ADCY8: variants seen among roughly 807,000 people sequenced by gnomAD.
The protein encoded by ADCY8 is adenylate cyclase type 8.
Under a neutral mutation model 119.7 loss-of-function variants are expected in ADCY8, and 51 were observed. The ratio of observed to expected loss-of-function variants is 0.43; its 90% CI spans 0.34 to 0.54. The LOEUF (loss-of-function observed/expected upper bound fraction) is 0.54. Ranked by LOEUF, ADCY8 falls within the 20% of genes least tolerant of loss-of-function variation. ADCY8 has a pLI of 0.03. For missense variants in ADCY8, 1,383 were observed against 1,598.8 expected, an observed-to-expected ratio of 0.87 and a Z score of 2.30; for synonymous variants, 665 against 651.0, an observed-to-expected ratio of 1.02 and a Z score of -0.33.
At chr8:130,950,146 T>A (rs757457834) in intron 3 of ADCY8, among the ~76,000 whole-genome samples, 18 of 152,212 alleles carry the variant, frequency 1.2e-4, no homozygotes, top group Non-Finnish European at 2.2e-4. Flanking sequence ...AATAGGTTTG[T>A]CACTTTTGAA....
At chr8:130,859,915 C>T (rs76259229) in intron 9 of ADCY8, among the ~76,000 whole-genome samples, 3,279 of 152,138 alleles carry the variant, frequency 0.022, 70 homozygotes, top group South Asian at 0.078. Context: ...GCCTTTCAGA[C>T]GGTTTCTTTC....
chr8:130,886,105 C>T (rs1458481238), intron 7 of ADCY8, among the ~76,000 whole-genome samples: 1 of 151,972 alleles, frequency 6.6e-6, no homozygotes, highest in Non-Finnish European at 1.5e-5. Context: ...GTTATTGAAC[C>T]CTTCATTTTA....
rs1262227628 is a variant in ADCY8 at position 131,040,343 on chromosome 8, C to A, written c.-10G>T. On this transcript the variant is annotated 5_prime_UTR_variant, in exon 1 of 18. Transcript: ENST00000286355. The stretch of plus-strand genomic sequence containing the variant: ...CATCGGAGAGCTCCATGGCTCTGGG[C>A]CGCAGGGAAGGAGGCCCAGAACCTT... The A allele has an allele frequency of 6.7e-6, 10 of 1,482,232 alleles. No homozygotes were observed. The highest frequency in any genetic ancestry group is 1.4e-5 in the South Asian group (1 of 72,158). The allele number at this position is 1,482,232 out of a possible 1,614,324, so 91.8% of individuals were successfully genotyped here.
At chr8:130,899,533 G>T (rs1268616879) in intron 7 of ADCY8, among the ~76,000 whole-genome samples, 1 of 152,108 alleles carries the variant, frequency 6.6e-6, no homozygotes. Flanking sequence ...TGGAACCCGG[G>T]AGGCGGAGGT....
Position 130,911,171 on chromosome 8 carries a change from A to G in ADCY8, c.1482-1305T>C, listed in dbSNP as rs1459337472. On this transcript the variant is annotated intron_variant, in intron 5 of 17. Coordinates refer to ENST00000286355, the MANE Select transcript of ADCY8 (RefSeq NM_001115.3). ...AGATGATGACTTAAGAATGAGCAAG[A>G]AAGTAACTGATTTTTAAAGAAATTG... Among the ~76,000 whole-genome samples the G allele has an allele frequency of 7.9e-5, 12 of 152,356 alleles. No individual in the cohort carries two copies. In the South Asian group the frequency reaches 2.5e-3, roughly 32 times the overall value.
At chr8:130,879,325 C>A (rs928511687) in intron 8 of ADCY8, among the ~76,000 whole-genome samples, 1 of 152,074 alleles carries the variant, frequency 6.6e-6, no homozygotes, top group Non-Finnish European at 1.5e-5. Flanking sequence ...AAAAGATTGG[C>A]AATGAAGACA....
intron 9 of ADCY8, among the ~76,000 whole-genome samples, chr8:130,854,219 T>C (rs1262416230): frequency 6.6e-6 from 1 of 152,240 alleles, no homozygotes; most frequent in African/African-American, 2.4e-5. Context: ...ATCCAGGGGT[T>C]CTGAATTTGC....
chr8:130,951,855 TTG>T lies in ADCY8; in HGVS notation c.1241+11_1241+12del. 1.9e-6 allele frequency: 3 copies of T among 1,613,720 alleles called. No homozygotes were observed. The highest frequency in any genetic ancestry group is 2.5e-6 in the Non-Finnish European group (3 of 1,179,788). On this transcript the variant is annotated intron_variant, in intron 3 of 17. Transcript: ENST00000286355. The stretch of plus-strand genomic sequence containing the variant: ...TCATGCAAGAGCCGGGGCAAGGGTG[TTG>T]TGTTTCTCACCTGACGTTCTCATAG...
rs199902296 is a variant in ADCY8 at position 131,039,455 on chromosome 8, G to T, written c.879C>A (p.Ile293=). Residue 293 remains isoleucine, a synonymous_variant, in exon 1 of 18, where the codon ATC becomes ATA. Transcript: ENST00000286355. ...GCAGCGAGGTGCCCAGGCCGGCCAG[G>T]ATGGCCCAGGTGAGCGGCAGCGGCA... is the stretch of plus-strand genomic sequence containing the variant. ...SMLPLPLTWA[I]LAGLGTSLLQ... 1.9e-4 allele frequency: 304 copies of T among 1,614,078 alleles called. No homozygotes were observed. Among genetic ancestry groups the T allele is most frequent in the Middle Eastern group, 1.2e-3 (7 of 6,084 alleles).
chr8:130,978,655 A>G (rs1286085825), intron 2 of ADCY8, among the ~76,000 whole-genome samples: 3 of 152,130 alleles, frequency 2.0e-5, no homozygotes, highest in Non-Finnish European at 2.9e-5. Context: ...GACATATATA[A>G]CTCTAAGACT....
chr8:130,860,672 G>A (rs757012373), intron 9 of ADCY8, among the ~76,000 whole-genome samples: 7 of 152,078 alleles, frequency 4.6e-5, no homozygotes, highest in South Asian at 4.2e-4. Flanking sequence ...TTTGCAGAAC[G>A]TGCAGGTTTG....
intron 2 of ADCY8, among the ~76,000 whole-genome samples, chr8:130,977,352 A>G (rs1476586628): frequency 6.6e-6 from 1 of 152,244 alleles, no homozygotes; most frequent in African/African-American, 2.4e-5. Flanking sequence ...CAATACTTGT[A>G]ATACTCATTC....
chr8:130,823,299 C>A (rs1173996452), intron 12 of ADCY8, among the ~76,000 whole-genome samples: 2 of 152,130 alleles, frequency 1.3e-5, no homozygotes, highest in East Asian at 3.8e-4. Context: ...ACAGCCTGAG[C>A]ACAGACTGCA....
chr8:131,012,733 T>A (rs1823349821), intron 1 of ADCY8, among the ~76,000 whole-genome samples: 1 of 152,172 alleles, frequency 6.6e-6, no homozygotes, highest in Non-Finnish European at 1.5e-5. Context: ...ATAATGGAAC[T>A]CATAATGGAA....
intron 2 of ADCY8, among the ~76,000 whole-genome samples, chr8:130,964,630 T>A (rs931164399): frequency 4.6e-5 from 7 of 152,236 alleles, no homozygotes; most frequent in Non-Finnish European, 8.8e-5. Context: ...GTCACTCTGA[T>A]AATTTTGAAA....
At chr8:130,792,269 C>T (rs1815447379) in intron 15 of ADCY8, among the ~76,000 whole-genome samples, 1 of 152,192 alleles carries the variant, frequency 6.6e-6, no homozygotes, top group Non-Finnish European at 1.5e-5. Context: ...TGGTTAATTC[C>T]TTCTTTCCAC....
In ADCY8 at chr8:130,989,010, T is replaced by G. The variant is rs571884861; in HGVS notation, c.1110+1383A>C. Among the ~76,000 whole-genome samples the G allele has an allele frequency of 1.3e-4, 20 of 152,318 alleles. No individual in the cohort carries two copies. In the East Asian group the frequency reaches 3.5e-3, roughly 26 times the overall value. On this transcript the variant is annotated intron_variant, in intron 2 of 17. Transcript: ENST00000286355. ...TCCCATGGAAAGAGTGACATGCCAG[T>G]CTGGCAACTGATCTGTTTTGCACAC...
At chr8:130,843,951 G>A (rs1452590085) in intron 11 of ADCY8, among the ~76,000 whole-genome samples, 1 of 152,030 alleles carries the variant, frequency 6.6e-6, no homozygotes, top group Non-Finnish European at 1.5e-5. Context: ...ACCACATTAT[G>A]GAAAAAGGGA....
At chr8:131,019,388 GA>G (rs1823580583) in intron 1 of ADCY8, among the ~76,000 whole-genome samples, 1 of 152,202 alleles carries the variant, frequency 6.6e-6, no homozygotes, top group Admixed American at 6.5e-5. Context: ...CTGGCACAGT[GA>G]TTTTGTGTAG....
Sources: gnomAD v4.1 joint callset for allele counts (sites outside exome capture counted in the v4.1 genomes callset) on GRCh38, gnomAD v4.1.1 for gene constraint, MANE v1.5 for transcripts, NCBI Gene and HGNC (gene_info 2026-07-23, HGNC 2026-07-21) for gene names.